The following NOTCH3 variants were observed in gnomAD, a reference collection of about 807,000 sequenced individuals.
NOTCH3 encodes the protein neurogenic locus notch homolog protein 3.
Under a neutral mutation model 213.3 loss-of-function variants are expected in NOTCH3, and 86 were observed. That is an observed-to-expected ratio of 0.40 (90% CI 0.34 to 0.48). NOTCH3 has a LOEUF of 0.48. NOTCH3 is among the 20% of genes least tolerant of loss of function. The pLI is 0.57. For missense variants in NOTCH3, 2,783 were observed against 3,272.6 expected, an observed-to-expected ratio of 0.85 and a Z score of 3.65; for synonymous variants, 1,354 against 1,355.9, an observed-to-expected ratio of 1.00 and a Z score of 0.03.
Position 15,178,063 on chromosome 19 carries a change from C to A in NOTCH3, c.3865G>T (p.Val1289Leu), listed in dbSNP as rs2046807531. The change falls in exon 24 of 33, where the codon GTG (valine) becomes TTG (leucine). Residue 1289 changes from valine (V) to leucine (L), a missense_variant. Transcript: ENST00000263388. ...TGCAGCTCCCGGCAGGAGCGCGCCACCCGCTCGCAACGCGGACCCCAGAAC... is the reference window on the plus strand; with the variant it reads ...TGCAGCTCCCGGCAGGAGCGCGCCAACCGCTCGCAACGCGGACCCCAGAAC... ...QPFWGPRCER[V>L]ARSCRELQCP... 6.6e-7 allele frequency: 1 copy of A among 1,520,318 alleles called. No individual in the cohort carries two copies. The allele number at this position is 1,520,318 out of a possible 1,614,324, so 94.2% of individuals were successfully genotyped here. A position where few individuals can be genotyped will look rare whatever the true frequency, so the allele number is the denominator to read the frequency against.
intron 20 of NOTCH3, 98 bp downstream of exon 20, chr19:15,179,974 C>T: frequency 1.2e-6 from 1 of 811,894 alleles, no homozygotes; most frequent in Non-Finnish European, 2.1e-6. Flanking sequence ...TCAGACATAT[C>T]TAGAGACATA....
chr19:15,177,071 TAAAA>T lies in NOTCH3; in HGVS notation c.4403+450_4403+453del, dbSNP rs776950725. 8.4e-3 allele frequency among the ~76,000 whole-genome samples: 668 copies of T among 79,142 alleles called. 7 individuals carry two copies. The highest frequency in any genetic ancestry group is 0.014 in the Admixed American group (78 of 5,486). The allele number at this position is 79,142 out of a possible 152,430, so 51.9% of individuals were successfully genotyped here. A position where few individuals can be genotyped will look rare whatever the true frequency, so the allele number is the denominator to read the frequency against. ...TGGGCAAGAGAGCGAGACTCCGTCT[TAAAA>T]AAAAAAAAAAAAAAAAAAAGGAATT... On this transcript the variant is annotated intron_variant, in intron 24 of 32. Transcript: ENST00000263388.
rs1599357697 is a variant in NOTCH3 at position 15,159,671 on chromosome 19, T to C, written c.*991A>G. On this transcript the variant is annotated 3_prime_UTR_variant, in exon 33 of 33. Coordinates refer to ENST00000263388, the MANE Select transcript of NOTCH3 (RefSeq NM_000435.3). Reference sequence around the variant, plus strand: ...TTCCTTTATTAGGTGGTGAGGGGAGTGGGGGGCTGTACAATGCAGGGCTTG... The same window carrying C: ...TTCCTTTATTAGGTGGTGAGGGGAGCGGGGGGCTGTACAATGCAGGGCTTG... 4.3e-6 allele frequency: 1 copy of C among 231,792 alleles called. No homozygotes were observed. The allele number at this position is 231,792 out of a possible 1,614,324, so 14.4% of individuals were successfully genotyped here.
chr19:15,181,589 C>T lies in NOTCH3; in HGVS notation c.2779G>A (p.Asp927Asn), dbSNP rs1347363387. 1.9e-6 allele frequency: 3 copies of T among 1,550,160 alleles called. No individual in the cohort carries two copies. The highest frequency in any genetic ancestry group is 1.4e-5 in the African/African-American group (1 of 73,050). Residue 927 changes from aspartate to asparagine, a missense_variant, in exon 17 of 33, where the codon GAC becomes AAC. Asp to Asn is a conservative substitution (Grantham distance 23). Around this residue, in one of 6 missense-constraint regions of NOTCH3, gnomAD observed 861 missense variants for 909.1 expected, o/e 0.95. Coordinates refer to ENST00000263388, the MANE Select transcript of NOTCH3 (RefSeq NM_000435.3). ...GGFHCEQDLP[D>N]CSPSSCFNGG... ...GGCCCCGCCCACCTGGGGCTGCAGT[C>T]GGGCAGGTCCTGTTCGCAGTGGAAG...
intron 31 of NOTCH3, among the ~76,000 whole-genome samples, chr19:15,164,777 T>G (rs1265613190): frequency 7.8e-6 from 1 of 128,718 alleles, no homozygotes; most frequent in Non-Finnish European, 1.6e-5. Flanking sequence ...CCAGAGCATT[T>G]GGCAACGTCT....
intron 20 of NOTCH3, 177 bp from the exon 21 acceptor site, chr19:15,179,673 G>C: frequency 1.5e-6 from 1 of 684,082 alleles, no homozygotes; most frequent in Non-Finnish European, 2.6e-6. Flanking sequence ...CCTGAGATCA[G>C]GAGTTCGAGA....
intron 31 of NOTCH3, among the ~76,000 whole-genome samples, chr19:15,163,120 G>A (rs1435362983): frequency 6.6e-6 from 1 of 152,072 alleles, no homozygotes; most frequent in Non-Finnish European, 1.5e-5. Flanking sequence ...GCCCAAACTG[G>A]TCTCAAACTC....
chr19:15,185,049 G>A lies in NOTCH3; in HGVS notation c.2297-30C>T. 1 of 1,355,136 alleles carries A rather than the reference G, an allele frequency of 7.4e-7. No homozygotes were observed. Among genetic ancestry groups the A allele is most frequent in the South Asian group, 1.4e-5 (1 of 72,772 alleles). The allele number at this position is 1,355,136 out of a possible 1,614,324, so 83.9% of individuals were successfully genotyped here. Reference sequence around the variant, plus strand: ...TGGGGGTGGAAGAGAGGGAAGCAGAGATAGCCTTGAGGGACTCCCTGATCC... The same window carrying A: ...TGGGGGTGGAAGAGAGGGAAGCAGAAATAGCCTTGAGGGACTCCCTGATCC... On this transcript the variant is annotated intron_variant, in intron 14 of 32. Coordinates refer to ENST00000263388, the MANE Select transcript of NOTCH3 (RefSeq NM_000435.3). This position sits in a 1 kb window ranked among gnomAD's most constrained non-coding sequence, Gnocchi z 4.2.
Position 15,160,845 on chromosome 19 carries a change from G to A in NOTCH3, c.6783C>T (p.Pro2261=), listed in dbSNP as rs2145380008. 1 of 1,614,064 alleles carries A rather than the reference G, an allele frequency of 6.2e-7. No homozygotes were observed. Among genetic ancestry groups the A allele is most frequent in the African/African-American group, 1.3e-5 (1 of 75,044 alleles). ...SPEHWASPSP[P]SLSDWSESTP... is the part of the protein sequence containing the mutation. The stretch of plus-strand genomic sequence containing the variant: ...TGGATTCGGACCAGTCTGAGAGGGA[G>A]GGAGGTGAGGGGCTGGCCCAGTGCT... Residue 2261 remains proline (P), a synonymous_variant, in exon 33 of 33, where the codon CCC becomes CCT. Coordinates refer to ENST00000263388, the MANE Select transcript of NOTCH3 (RefSeq NM_000435.3).
At chr19:15,199,632 G>C (rs1230890840) in intron 1 of NOTCH3, among the ~76,000 whole-genome samples, 1 of 152,236 alleles carries the variant, frequency 6.6e-6, no homozygotes, top group African/African-American at 2.4e-5. Flanking sequence ...AGTGTGCTGT[G>C]TGTGTGCAGG....
rs772673273 is a variant in NOTCH3, at chr19:15,161,512, A to G, written c.6116T>C (p.Leu2039Pro). 6.3e-7 allele frequency: 1 copy of G among 1,594,016 alleles called. No individual in the cohort carries two copies. The highest frequency in any genetic ancestry group is 1.1e-5 in the South Asian group (1 of 88,004). Residue 2039 changes from leucine (L) to proline (P), a missense_variant, in exon 33 of 33, where the codon CTG (leucine) becomes CCG (proline). Leu to Pro is a moderately conservative substitution (Grantham distance 98, BLOSUM62 -3). Coordinates refer to ENST00000263388, the MANE Select transcript of NOTCH3 (RefSeq NM_000435.3). ...CCCTGGAGGACAGAGCAGAGGCCCC[A>G]GGCCGTGGGGACCGGGGGGGCTGCG... is the stretch of plus-strand genomic sequence containing the variant. The part of the protein sequence containing the change: ...GPRSPPGPHG[L>P]GPLLCPPGAF...
At chr19:15,180,031 T>C (rs766128093) in intron 20 of NOTCH3, 41 bp downstream of exon 20, 7 of 1,416,460 alleles carry the variant, frequency 4.9e-6, no homozygotes, top group South Asian at 2.3e-5. Context: ...CACCCAAGCA[T>C]GCCCACCTCC....
At chr19:15,171,602 A>G (rs1039575330) in intron 25 of NOTCH3, among the ~76,000 whole-genome samples, 2 of 151,950 alleles carry the variant, frequency 1.3e-5, no homozygotes, top group African/African-American at 4.8e-5. Flanking sequence ...GGCTCAAGCA[A>G]TCCTCCCACC....
rs201118034 is a variant in NOTCH3, at chr19:15,187,315, G to C, written c.1630C>G (p.Arg544Gly). ...TCAGGGGAGCAGTCGTCCACGTTGC[G>C]ATCACACAGCGTGCCCTCAAAGCCT... ...AEGFEGTLCD[R>G]NVDDCSPDPC... is the part of the protein sequence containing the mutation. Residue 544 changes from arginine (R) to glycine (G), a missense_variant, in exon 11 of 33, where the codon CGC becomes GGC. Physicochemically the swap from Arg to Gly is moderately radical, Grantham distance 125 (BLOSUM62 -2). Coordinates refer to ENST00000263388, the MANE Select transcript of NOTCH3 (RefSeq NM_000435.3). 8 of 1,613,662 alleles carry C rather than the reference G, an allele frequency of 5.0e-6. No homozygotes were observed. Among genetic ancestry groups the C allele is most frequent in the Non-Finnish European group, 6.8e-6 (8 of 1,179,960 alleles).
chr19:15,189,552 C>A (rs1599392313), intron 6 of NOTCH3, 124 bp from the exon 7 acceptor site: 1 of 1,213,408 alleles, frequency 8.2e-7, no homozygotes, highest in East Asian at 2.4e-5. Flanking sequence ...AAGTTTCGCT[C>A]TTGTTGCCCA....
At position 15,165,602 on chromosome 19, in the gene NOTCH3, C is replaced by G; in HGVS notation, c.5668-87G>C. 7.0e-7 allele frequency: 1 copy of G among 1,427,396 alleles called. No homozygotes were observed. The allele number at this position is 1,427,396 out of a possible 1,614,324, so 88.4% of individuals were successfully genotyped here. A position where few individuals can be genotyped will look rare whatever the true frequency, so the allele number is the denominator to read the frequency against. The stretch of plus-strand genomic sequence containing the variant: ...CCCTAAGTCCCATGAAGTCCCCAAC[C>G]CCCATACCCCAACCCCTGAAATTGG... On this transcript the variant is annotated intron_variant, in intron 30 of 32. Coordinates refer to ENST00000263388, the MANE Select transcript of NOTCH3 (RefSeq NM_000435.3). This position sits in a 1 kb window ranked among gnomAD's most constrained non-coding sequence, Gnocchi z 4.7.
chr19:15,171,394 G>C (rs997530769), intron 25 of NOTCH3, among the ~76,000 whole-genome samples: 2 of 152,126 alleles, frequency 1.3e-5, no homozygotes, highest in African/African-American at 4.8e-5. Context: ...CTGTCGCCCA[G>C]GCTAGAGCAC....
At position 15,177,964 on chromosome 19, in the gene NOTCH3, G is replaced by A. The variant is rs1438155304; in HGVS notation, c.3964C>T (p.Pro1322Ser). The change falls in exon 24 of 33, where the codon CCC (proline) becomes TCC (serine). Residue 1322 changes from proline (P) to serine (S), a missense_variant. This residue lies in a region of NOTCH3 where 133 missense variants were observed against 201.9 expected (regional missense o/e 0.66). Transcript: ENST00000263388. Reference protein sequence around the residue: ...RCACPPGLSGPSCRSFPGSPP... With the variant: ...RCACPPGLSGSSCRSFPGSPP... Reference sequence around the variant, plus strand: ...GACCCCGGGAAGCTGCGGCAGGAGGGTCCCGACAACCCTGGGGGGCAGGCG... The same window carrying A: ...GACCCCGGGAAGCTGCGGCAGGAGGATCCCGACAACCCTGGGGGGCAGGCG... 25 of 1,351,218 alleles carry A rather than the reference G, an allele frequency of 1.9e-5. No homozygotes were observed. Among genetic ancestry groups the A allele is most frequent in the Non-Finnish European group, 2.4e-5 (25 of 1,053,524 alleles). 83.7% of individuals were successfully genotyped at this position (1,351,218 alleles called of 1,614,324 possible).
At chr19:15,186,684 C>T (rs1241248497) in intron 12 of NOTCH3, among the ~76,000 whole-genome samples, 194 bp downstream of exon 12, 3 of 152,198 alleles carry the variant, frequency 2.0e-5, no homozygotes, top group African/African-American at 7.2e-5. Flanking sequence ...GGATTACAGG[C>T]GTGAGCCACC....
Sources: allele counts gnomAD v4.1 joint callset (sites outside exome capture counted in the v4.1 genomes callset), GRCh38; gene constraint gnomAD v4.1.1; regional missense constraint gnomAD v4.1.1; non-coding constraint Gnocchi (gnomAD v3.1); transcripts MANE v1.5; gene names NCBI Gene and HGNC (gene_info 2026-07-23, HGNC 2026-07-21).